The following ABR variants were observed in gnomAD, a reference collection of about 807,000 sequenced individuals.
The protein encoded by ABR is active breakpoint cluster region-related protein.
ABR carries 35 observed loss-of-function variants against 107.2 expected under a neutral mutation model. The observed-to-expected ratio is 0.33, with a 90% confidence interval of 0.25 to 0.43. ABR has a LOEUF of 0.43. Among genes scored for constraint, ABR ranks in the 20% least tolerant of loss-of-function variants. ABR has a pLI of 1.00. For missense variants in ABR, 815 were observed against 1,115.2 expected, an observed-to-expected ratio of 0.73 and a Z score of 3.83; for synonymous variants, 498 against 462.0, an observed-to-expected ratio of 1.08 and a Z score of -1.00.
chr17:1,124,617 T>C (rs1290601942), intron 2 of ABR, among the ~76,000 whole-genome samples: 1 of 152,216 alleles, frequency 6.6e-6, no homozygotes, highest in African/African-American at 2.4e-5. Context: ...ATACTTAATA[T>C]TCCTTCTACA....
chr17:1,031,617 T>C (rs1043407146), intron 16 of ABR: 64 of 1,201,186 alleles, frequency 5.3e-5, no homozygotes, highest in Non-Finnish European at 1.4e-5. Flanking sequence ...GAGCAGCTTG[T>C]TGCGCACGCG....
In ABR at chr17:1,051,911, T is replaced by C. The variant is rs2032579326; in HGVS notation, c.1562-1277A>G. Among the ~76,000 whole-genome samples, 1 of 151,880 alleles carries C rather than the reference T, an allele frequency of 6.6e-6. No homozygotes were observed. Among genetic ancestry groups the C allele is most frequent in the Non-Finnish European group, 1.5e-5 (1 of 67,976 alleles). On this transcript the variant is annotated intron_variant, in intron 14 of 22. Coordinates refer to ENST00000302538, the MANE Select transcript of ABR (RefSeq NM_021962.5). This position sits in a 1 kb window ranked among gnomAD's most constrained non-coding sequence, Gnocchi z 4.3. ...CAACATGGTGAAACCCCATCTCTAC[T>C]AAAAATACAAAAGTGAGCCCGGCGT...
intron 10 of ABR, among the ~76,000 whole-genome samples, chr17:1,061,736 G>A (rs955536055): frequency 7.9e-5 from 12 of 151,976 alleles, no homozygotes; most frequent in African/African-American, 1.4e-4. Flanking sequence ...TCATAGAGAC[G>A]GGGCTTCATG....
chr17:1,172,958 C>G (rs1401685504), intron 1 of ABR, among the ~76,000 whole-genome samples: 1 of 89,164 alleles, frequency 1.1e-5, no homozygotes, highest in Non-Finnish European at 3.2e-5. Flanking sequence ...CCACCCCCCC[C>G]ATCACCTCAG....
intron 1 of ABR, among the ~76,000 whole-genome samples, chr17:1,206,946 G>T (rs187532903): frequency 6.6e-6 from 1 of 152,086 alleles, no homozygotes; most frequent in Non-Finnish European, 1.5e-5. Flanking sequence ...TTAGCTGGGC[G>T]TGGTGGCATG....
In ABR at chr17:1,056,194, G is replaced by T. The variant is rs141802239; in HGVS notation, c.1487-85C>A. 1,142 of 1,184,056 alleles carry T rather than the reference G, an allele frequency of 9.6e-4. 17 individuals carry two copies. The African/African-American group carries it at 0.016, about 16-fold the overall frequency. 73.3% of individuals were successfully genotyped at this position (1,184,056 alleles called of 1,614,324 possible). On this transcript the variant is annotated intron_variant, in intron 13 of 22. Coordinates refer to ENST00000302538, the MANE Select transcript of ABR (RefSeq NM_021962.5). Reference sequence around the variant, plus strand: ...CCCAGGCCGGCGGGAGGCAGACGGGGTATGAGACTCAGCTGAGTCTTGGTC... The same window carrying T: ...CCCAGGCCGGCGGGAGGCAGACGGGTTATGAGACTCAGCTGAGTCTTGGTC...
chr17:1,101,845 T>C (rs112735193), intron 2 of ABR, among the ~76,000 whole-genome samples: 3 of 151,878 alleles, frequency 2.0e-5, no homozygotes, highest in East Asian at 1.9e-4. Flanking sequence ...GCCATTCTCC[T>C]GCCTCAGCCT....
chr17:1,151,843 C>T (rs2040806022), intron 1 of ABR, among the ~76,000 whole-genome samples: 2 of 152,248 alleles, frequency 1.3e-5, no homozygotes. Context: ...CACGAGGAAA[C>T]TCCGTCTCTA....
intron 1 of ABR, among the ~76,000 whole-genome samples, chr17:1,155,127 A>G (rs948024731): frequency 6.6e-6 from 1 of 151,988 alleles, no homozygotes; most frequent in African/African-American, 2.4e-5. Context: ...TGTCCCAGCA[A>G]TGTGTACTAT....
intron 6 of ABR, 63 bp from the exon 7 acceptor site, chr17:1,073,740 G>C: frequency 6.9e-7 from 1 of 1,457,740 alleles, no homozygotes; most frequent in Non-Finnish European, 9.3e-7. Flanking sequence ...CAACACCCCA[G>C]AGACCAGCTT....
Position 1,058,881 on chromosome 17 carries a change from G to A in ABR, c.1183-14C>T. Reference sequence around the variant, plus strand: ...TTTGTTGGCTTTCTGCAGGAGATGGGGACACAGAGGGTTCCCCTCACACTC... The same window carrying A: ...TTTGTTGGCTTTCTGCAGGAGATGGAGACACAGAGGGTTCCCCTCACACTC... On this transcript the variant is annotated splice_polypyrimidine_tract_variant and intron_variant, in intron 10 of 22. Coordinates refer to ENST00000302538, the MANE Select transcript of ABR (RefSeq NM_021962.5). 4 of 1,613,786 alleles carry A rather than the reference G, an allele frequency of 2.5e-6. No homozygotes were observed. Among genetic ancestry groups the A allele is most frequent in the Non-Finnish European group, 3.4e-6 (4 of 1,179,820 alleles).
intron 1 of ABR, among the ~76,000 whole-genome samples, chr17:1,218,452 T>C (rs2043054795): frequency 6.6e-6 from 1 of 152,034 alleles, no homozygotes; most frequent in African/African-American, 2.4e-5. Flanking sequence ...TCTGGAGAGG[T>C]TAACAGTTAG....
chr17:1,095,402 C>G (rs2037345032), intron 3 of ABR, among the ~76,000 whole-genome samples: 1 of 152,164 alleles, frequency 6.6e-6, no homozygotes, highest in Non-Finnish European at 1.5e-5. Flanking sequence ...GGGGAGGGGA[C>G]AGGGCTGGGT....
In ABR at chr17:1,083,042, T is replaced by G. The variant is rs141558068; in HGVS notation, c.639+478A>C. On this transcript the variant is annotated intron_variant, in intron 5 of 22. Transcript: ENST00000302538. ...GGGAGGCTGAGGCAGGAGAATCACT[T>G]GAACCCAGGGGGTAGAGGTTGCAGT... is the stretch of plus-strand genomic sequence containing the variant. 6.8e-3 allele frequency among the ~76,000 whole-genome samples: 1,010 copies of G among 149,228 alleles called. 37 individuals carry two copies. Among genetic ancestry groups the G allele is most frequent in the Admixed American group, 0.062 (916 of 14,668 alleles).
At chr17:1,161,293 A>G (rs2041282161) in intron 1 of ABR, among the ~76,000 whole-genome samples, 1 of 151,324 alleles carries the variant, frequency 6.6e-6, no homozygotes, top group South Asian at 2.1e-4. Context: ...CCCAGGCCAG[A>G]GTGCAGAATG....
At chr17:1,083,838 G>T (rs934756111) in intron 4 of ABR, 2 of 537,132 alleles carry the variant, frequency 3.7e-6, no homozygotes, top group African/African-American at 1.9e-5. Context: ...AGCCAATAAG[G>T]TTAATGAGGG....
intron 2 of ABR, among the ~76,000 whole-genome samples, chr17:1,109,589 A>T (rs1055764066): frequency 2.0e-5 from 3 of 151,676 alleles, no homozygotes; most frequent in Non-Finnish European, 4.4e-5. Flanking sequence ...ACGCATCTTC[A>T]TTCCCCGCGC....
chr17:1,025,134 A>G (rs79651956), intron 16 of ABR, among the ~76,000 whole-genome samples: 1,788 of 144,134 alleles, frequency 0.012, 94 homozygotes, highest in East Asian at 0.11. Flanking sequence ...AAAAAAAAAA[A>G]AAAATACAAA....
At chr17:1,108,819 G>GGACTCCA (rs1431830473) in intron 2 of ABR, 4 of 781,258 alleles carry the variant, frequency 5.1e-6, no homozygotes, top group Non-Finnish European at 7.0e-6. Context: ...GGGACCCTCC[G>GGACTCCA]CCGAGGGCTT....
Sources: gnomAD v4.1 joint callset for allele counts (sites outside exome capture counted in the v4.1 genomes callset) on GRCh38, gnomAD v4.1.1 for gene constraint, Gnocchi (gnomAD v3.1) non-coding constraint, MANE v1.5 for transcripts, NCBI Gene and HGNC (gene_info 2026-07-23, HGNC 2026-07-21) for gene names.